TANGO6: variants seen among roughly 807,000 people sequenced by gnomAD.
TANGO6 encodes the protein transport and golgi organization 6 homolog, also known as transport and Golgi organization protein 6 homolog.
Under a neutral mutation model 114.2 loss-of-function variants are expected in TANGO6, and 90 were observed. That is an observed-to-expected ratio of 0.79 (90% CI 0.66 to 0.94). TANGO6 has a LOEUF of 0.94. Ranked by LOEUF, TANGO6 falls within the 40% of genes least tolerant of loss-of-function variation. The pLI, the probability that TANGO6 is intolerant of heterozygous loss-of-function variation, is 0.00. For synonymous variants in TANGO6, 477 were observed against 509.8 expected (o/e 0.94, Z 0.87); for missense variants, 1,274 against 1,315.3 (o/e 0.97, Z 0.49).
chr16:68,951,192 G>A (rs1010409731), intron 14 of TANGO6, among the ~76,000 whole-genome samples: 2 of 151,904 alleles, frequency 1.3e-5, no homozygotes, highest in African/African-American at 4.8e-5. Flanking sequence ...GTGTGGTAGC[G>A]CATGCCTATA....
At chr16:68,908,306 T>C (rs1246750735) in intron 10 of TANGO6, among the ~76,000 whole-genome samples, 2 of 152,160 alleles carry the variant, frequency 1.3e-5, no homozygotes, top group Non-Finnish European at 2.9e-5. Flanking sequence ...TTTGATGCTT[T>C]CTTACCTCCC....
intron 1 of TANGO6, among the ~76,000 whole-genome samples, chr16:68,844,487 G>T (rs1961773291): frequency 6.6e-6 from 1 of 152,102 alleles, no homozygotes; most frequent in Admixed American, 6.6e-5. Context: ...ATAGAGCTCT[G>T]CTTATCACTG....
chr16:68,997,281 A>G (rs1964000217), intron 15 of TANGO6, among the ~76,000 whole-genome samples: 1 of 152,202 alleles, frequency 6.6e-6, no homozygotes, highest in African/African-American at 2.4e-5. Context: ...GTAAAGGAAT[A>G]AAAGGATGGC....
intron 1 of TANGO6, among the ~76,000 whole-genome samples, chr16:68,857,482 G>A (rs1177407379): frequency 6.6e-6 from 1 of 151,282 alleles, no homozygotes; most frequent in Non-Finnish European, 1.5e-5. Flanking sequence ...TAAAGCTACT[G>A]TAAACATACA....
intron 15 of TANGO6, among the ~76,000 whole-genome samples, chr16:69,022,128 C>T (rs536485440): frequency 5.9e-5 from 9 of 151,942 alleles, no homozygotes; most frequent in African/African-American, 1.9e-4. Flanking sequence ...CCTCGTGATC[C>T]GCCCACCTCG....
At chr16:69,000,781 C>T (rs769349627) in intron 15 of TANGO6, among the ~76,000 whole-genome samples, 3 of 151,932 alleles carry the variant, frequency 2.0e-5, no homozygotes, top group African/African-American at 7.2e-5. Context: ...TTAGTAGAGA[C>T]GGGGCTTCAC....
At chr16:68,980,435 A>ATATTTT (rs1317961639) in intron 15 of TANGO6, among the ~76,000 whole-genome samples, 11 of 61,768 alleles carry the variant, frequency 1.8e-4, no homozygotes, top group African/African-American at 5.0e-4. Flanking sequence ...ATATATATAT[A>ATATTTT]TTTTTTTTTT....
At chr16:68,855,054 G>T (rs1961963066) in intron 1 of TANGO6, among the ~76,000 whole-genome samples, 2 of 150,626 alleles carry the variant, frequency 1.3e-5, no homozygotes, top group South Asian at 4.2e-4. Context: ...ACCCAGGTTG[G>T]AGTCCAATGG....
At chr16:68,895,785 T>C (rs1403734303) in intron 7 of TANGO6, among the ~76,000 whole-genome samples, 3 of 152,190 alleles carry the variant, frequency 2.0e-5, no homozygotes, top group African/African-American at 7.2e-5. Flanking sequence ...TTAGGATGCA[T>C]AGCTGTGCTT....
chr16:68,867,254 C>A, intron 4 of TANGO6, 34 bp downstream of exon 4: 1 of 1,612,730 alleles, frequency 6.2e-7, no homozygotes, highest in East Asian at 2.2e-5. Context: ...ACTTTGGTAT[C>A]TGTTTTCCTT....
At chr16:68,973,228 T>A in intron 14 of TANGO6, 1 of 445,216 alleles carries the variant, frequency 2.2e-6, no homozygotes, top group Non-Finnish European at 4.5e-6. Flanking sequence ...TAGAAGTGGG[T>A]TCTCATCCTG....
chr16:68,880,207 T>G (rs1962436309), intron 6 of TANGO6, among the ~76,000 whole-genome samples: 1 of 151,940 alleles, frequency 6.6e-6, no homozygotes, highest in South Asian at 2.1e-4. Context: ...CTCGTGACTT[T>G]GTGATCCGCC....
chr16:69,021,889 T>C (rs1488129526), intron 15 of TANGO6, among the ~76,000 whole-genome samples: 1 of 149,356 alleles, frequency 6.7e-6, no homozygotes, highest in Non-Finnish European at 1.5e-5. Flanking sequence ...TTTTTTTCTT[T>C]TTTTTTTTTT....
intron 12 of TANGO6, 79 bp from the exon 13 acceptor site, chr16:68,927,489 A>C: frequency 6.7e-7 from 1 of 1,493,858 alleles, no homozygotes; most frequent in South Asian, 1.3e-5. Flanking sequence ...TTTTTCTCAG[A>C]ATATGTTTCC....
intron 15 of TANGO6, among the ~76,000 whole-genome samples, chr16:68,992,992 C>T (rs1963959145): frequency 6.6e-6 from 1 of 152,066 alleles, no homozygotes; most frequent in Non-Finnish European, 1.5e-5. Flanking sequence ...TCGCTTGAAT[C>T]CGGAAGGCGT....
chr16:69,072,952 A>G (rs1960318153), intron 17 of TANGO6, among the ~76,000 whole-genome samples: 1 of 151,308 alleles, frequency 6.6e-6, no homozygotes, highest in South Asian at 2.1e-4. Context: ...TAAGTGAAAG[A>G]TTCCTCTAAA....
chr16:68,874,119 G>A (rs1225679191), intron 4 of TANGO6, among the ~76,000 whole-genome samples: 3 of 152,116 alleles, frequency 2.0e-5, no homozygotes, highest in South Asian at 4.1e-4. Context: ...TCACACATAC[G>A]TGTATCATAC....
chr16:68,918,791 G>A (rs1336253797), intron 11 of TANGO6, among the ~76,000 whole-genome samples: 1 of 152,226 alleles, frequency 6.6e-6, no homozygotes, highest in East Asian at 1.9e-4. Flanking sequence ...AACATGTGGA[G>A]ATGCTGGGAG....
intron 14 of TANGO6, among the ~76,000 whole-genome samples, chr16:68,952,570 ACTT>A (rs1451005896): frequency 6.6e-6 from 1 of 152,198 alleles, no homozygotes; most frequent in African/African-American, 2.4e-5. Context: ...GTGAATCATA[ACTT>A]TACAATTTTT....
Sources: allele counts gnomAD v4.1 joint callset (sites outside exome capture counted in the v4.1 genomes callset), GRCh38; gene constraint gnomAD v4.1.1; transcripts MANE v1.5; gene names NCBI Gene and HGNC (gene_info 2026-07-23, HGNC 2026-07-21).